The following GRIK2 variants were observed in gnomAD, a reference collection of about 807,000 sequenced individuals.
GRIK2 encodes the protein glutamate ionotropic receptor kainate type subunit 2.
Under a neutral mutation model 100.3 loss-of-function variants are expected in GRIK2, and 32 were observed. The observed-to-expected ratio is 0.32, with a 90% CI of 0.24 to 0.43. GRIK2 has a LOEUF of 0.43. GRIK2 is among the 20% of genes least tolerant of loss of function. The probability of loss-of-function intolerance (pLI) is 1.00; values close to 1 mark genes in which losing one functional copy is unlikely to be tolerated. For synonymous variants in GRIK2, 417 were observed against 389.4 expected (o/e 1.07, Z -0.83); for missense variants, 843 against 1,114.9 (o/e 0.76, Z 3.47).
chr6:101,937,278 T>G (rs1582573036), intron 14 of GRIK2, among the ~76,000 whole-genome samples: 2 of 152,128 alleles, frequency 1.3e-5, no homozygotes, highest in African/African-American at 4.8e-5. Context: ...TCCTTTACTC[T>G]GTGCAAGGAC....
At chr6:102,018,778 G>T (rs1769265008) in intron 14 of GRIK2, among the ~76,000 whole-genome samples, 1 of 152,012 alleles carries the variant, frequency 6.6e-6, no homozygotes, top group African/African-American at 2.4e-5. Flanking sequence ...ACATAATAAA[G>T]ACTTTTGAGC....
At chr6:101,593,576 C>T (rs1393033107) in intron 2 of GRIK2, among the ~76,000 whole-genome samples, 1 of 151,790 alleles carries the variant, frequency 6.6e-6, no homozygotes, top group Non-Finnish European at 1.5e-5. Context: ...CTTCAAGCTA[C>T]AGAGTGTATT....
intron 2 of GRIK2, among the ~76,000 whole-genome samples, chr6:101,467,417 CAG>C (rs1179059109): frequency 6.6e-6 from 1 of 152,068 alleles, no homozygotes; most frequent in Admixed American, 6.6e-5. Flanking sequence ...TTAATATAAT[CAG>C]AGATTTTATA....
At chr6:101,799,620 A>C in intron 7 of GRIK2, 28 bp from the exon 8 acceptor site, 1 of 1,595,114 alleles carries the variant, frequency 6.3e-7, no homozygotes, top group Non-Finnish European at 8.6e-7. Context: ...TATATTGACT[A>C]TAAATTTCCC....
Position 102,035,407 on chromosome 6 carries a change from G to T in GRIK2, c.2152G>T (p.Val718Phe). The T allele has an allele frequency of 3.7e-6, 6 of 1,609,502 alleles. No individual in the cohort carries two copies. The highest frequency in any genetic ancestry group is 5.1e-6 in the Non-Finnish European group (6 of 1,176,812). The change falls in exon 15 of 17, where the codon GTC becomes TTC. Residue 718 changes from valine (V) to phenylalanine (F), a missense_variant. Val to Phe is a conservative substitution (Grantham distance 50). Coordinates refer to ENST00000369134, the MANE Select transcript of GRIK2 (RefSeq NM_021956.5). ...GAGTAGCAGAAGGCAGTCAGTGCTG[G>T]TCAAAAGTAATGAAGAAGGAATCCA... ...FMSSRRQSVL[V>F]KSNEEGIQRV...
chr6:101,651,668 A>G (rs975006533), intron 4 of GRIK2, among the ~76,000 whole-genome samples: 1 of 152,134 alleles, frequency 6.6e-6, no homozygotes. Flanking sequence ...CAAAGGATAT[A>G]CATTAAAGTG....
Position 102,068,386 on chromosome 6 carries a change from T to A in GRIK2, c.2602T>A (p.Ser868Thr). The A allele has an allele frequency of 6.2e-7, 1 of 1,612,002 alleles. No individual in the cohort carries two copies. Among genetic ancestry groups the A allele is most frequent in the Non-Finnish European group, 8.5e-7 (1 of 1,178,514 alleles). ...TGCCATGGTAGAAGAATTGAGGATG[T>A]CCCTGAAGTGCCAGCGTCGGTTAAA... Reference protein sequence around the residue: ...CSAMVEELRMSLKCQRRLKHK... With the variant: ...CSAMVEELRMTLKCQRRLKHK... The change falls in exon 17 of 17, where the codon TCC becomes ACC. Residue 868 changes from serine to threonine, a missense_variant. Physicochemically the swap from Ser to Thr is moderately conservative, Grantham distance 58. Transcript: ENST00000369134.
rs377167855 is a variant in GRIK2 at position 101,453,841 on chromosome 6, G to A, written c.115+54449G>A. Among the ~76,000 whole-genome samples, 8 of 151,912 alleles carry A rather than the reference G, an allele frequency of 5.3e-5. No homozygotes were observed. The East Asian group carries it at 9.7e-4, about 18-fold the overall frequency. ...TATATTTTGTTATATTATTTTTAAC[G>A]CCTACTTCATTGGCATGTTTCTTCA... On this transcript the variant is annotated intron_variant, in intron 2 of 16. Coordinates refer to ENST00000369134, the MANE Select transcript of GRIK2 (RefSeq NM_021956.5).
chr6:101,459,645 T>C (rs1771191145), intron 2 of GRIK2, among the ~76,000 whole-genome samples: 1 of 152,144 alleles, frequency 6.6e-6, no homozygotes, highest in South Asian at 2.1e-4. Context: ...AGGTTAACAT[T>C]TTTTCAACAA....
intron 14 of GRIK2, among the ~76,000 whole-genome samples, chr6:101,928,932 G>A (rs1017476799): frequency 4.6e-5 from 7 of 152,086 alleles, no homozygotes; most frequent in Non-Finnish European, 1.0e-4. Flanking sequence ...AAAACAAAAT[G>A]TATTTTTTGA....
chr6:101,504,144 T>C (rs1562185809), intron 2 of GRIK2, among the ~76,000 whole-genome samples: 2 of 152,158 alleles, frequency 1.3e-5, no homozygotes, highest in South Asian at 4.1e-4. Flanking sequence ...TGGTCCTACT[T>C]AAGTTATTGC....
chr6:101,563,056 G>T (rs1404561481), intron 2 of GRIK2, among the ~76,000 whole-genome samples: 1 of 152,136 alleles, frequency 6.6e-6, no homozygotes, highest in Non-Finnish European at 1.5e-5. Context: ...GCTCCTACCA[G>T]CTTTTTGAGA....
chr6:101,792,941 G>A (rs796120582), intron 7 of GRIK2, among the ~76,000 whole-genome samples: 3,620 of 151,730 alleles, frequency 0.024, 94 homozygotes, highest in African/African-American at 0.062. Flanking sequence ...TTCCCTTCTC[G>A]CTTCATTTCA....
intron 7 of GRIK2, among the ~76,000 whole-genome samples, chr6:101,792,891 GA>G (rs1319729513): frequency 2.0e-5 from 3 of 151,990 alleles, no homozygotes; most frequent in African/African-American, 7.3e-5. Context: ...ATATTTCTTG[GA>G]GGCTTTGTTC....
intron 16 of GRIK2, among the ~76,000 whole-genome samples, chr6:102,066,407 A>C (rs1463020973): frequency 6.6e-6 from 1 of 151,648 alleles, no homozygotes; most frequent in African/African-American, 2.4e-5. Context: ...AGATACATAG[A>C]GCACTGGCAG....
At chr6:101,695,397 TTC>T (rs1260187076) in intron 7 of GRIK2, among the ~76,000 whole-genome samples, 4 of 152,140 alleles carry the variant, frequency 2.6e-5, no homozygotes, top group African/African-American at 9.7e-5. Flanking sequence ...CACCTTTTAA[TTC>T]TGTTTTATTG....
At position 102,062,639 on chromosome 6, in the gene GRIK2, A is replaced by AT. The variant is rs1198906352; in HGVS notation, c.2563-5701dup. 8.6e-5 allele frequency among the ~76,000 whole-genome samples: 13 copies of AT among 150,524 alleles called. No homozygotes were observed. In the South Asian group the frequency reaches 2.1e-3, roughly 24 times the overall value. ...AAATATCAAGAACAAGGTTGTATAT[A>AT]TTTTTTTAACATGAGTGATTTAGCC... On this transcript the variant is annotated intron_variant, in intron 16 of 16. Transcript: ENST00000369134.
At chr6:101,812,476 CATTT>C (rs1781391967) in intron 9 of GRIK2, among the ~76,000 whole-genome samples, 2 of 151,720 alleles carry the variant, frequency 1.3e-5, no homozygotes, top group South Asian at 2.1e-4. Context: ...GAAAATAAAA[CATTT>C]ATTTCTGTTC....
At chr6:102,063,928 C>A (rs781081421) in intron 16 of GRIK2, 4 of 939,898 alleles carry the variant, frequency 4.3e-6, no homozygotes, top group Non-Finnish European at 7.0e-6. Flanking sequence ...ATTATACATG[C>A]TAACAGCTCA....
Sources: gnomAD v4.1 joint callset for allele counts (sites outside exome capture counted in the v4.1 genomes callset) on GRCh38, gnomAD v4.1.1 for gene constraint, MANE v1.5 for transcripts, NCBI Gene and HGNC (gene_info 2026-07-23, HGNC 2026-07-21) for gene names.